PDGFRB: variants seen among roughly 807,000 people sequenced by gnomAD.
The protein encoded by PDGFRB is platelet derived growth factor receptor beta.
A neutral mutation model predicts 120.2 loss-of-function variants in PDGFRB; 42 were observed. That is an observed-to-expected ratio of 0.35 (90% confidence interval 0.27 to 0.45). The LOEUF (loss-of-function observed/expected upper bound fraction) is 0.45, where lower values mean the gene tolerates loss of function less well. PDGFRB is among the 20% of genes least tolerant of loss of function. PDGFRB has a pLI of 1.00. For synonymous variants in PDGFRB, 586 were observed against 606.8 expected, an observed-to-expected ratio of 0.97 and a Z score of 0.50; for missense variants, 1,149 against 1,476.3, an observed-to-expected ratio of 0.78 and a Z score of 3.63.
intron 8 of PDGFRB, 143 bp downstream of exon 8, chr5:150,131,836 G>T (rs907984311): frequency 7.2e-6 from 4 of 555,050 alleles, no homozygotes; most frequent in Non-Finnish European, 1.3e-5. Context: ...CACGGCAGTG[G>T]GTCAGTGGCC....
At chr5:150,126,894 G>A (rs977217231) in intron 10 of PDGFRB, among the ~76,000 whole-genome samples, 2 of 152,236 alleles carry the variant, frequency 1.3e-5, no homozygotes, top group African/African-American at 4.8e-5. Context: ...TGCTGCCAGA[G>A]CTCTGGACGG....
In PDGFRB at chr5:150,114,116, C is replaced by T. The variant is rs1759845423; in HGVS notation, c.*1647G>A. 3 of 233,452 alleles carry T rather than the reference C, an allele frequency of 1.3e-5. No individual in the cohort carries two copies. The highest frequency in any genetic ancestry group is 3.6e-4 in the South Asian group (2 of 5,536). The allele number at this position is 233,452 out of a possible 1,614,324, so 14.5% of individuals were successfully genotyped here. ...AGAGGGGTTGAGCTTCCTGCACCCC[C>T]TTCCCAACCCTCCCCGTGCGGGGGC... On this transcript the variant is annotated 3_prime_UTR_variant, in exon 23 of 23. Coordinates refer to ENST00000261799, the MANE Select transcript of PDGFRB (RefSeq NM_002609.4).
At position 150,120,481 on chromosome 5, in the gene PDGFRB, C is replaced by A. The variant is rs1456558842; in HGVS notation, c.2587-358G>T. Among the ~76,000 whole-genome samples, 1 of 152,152 alleles carries A rather than the reference C, an allele frequency of 6.6e-6. No individual in the cohort carries two copies. The highest frequency in any genetic ancestry group is 2.4e-5 in the African/African-American group (1 of 41,418). ...CTAGCGTCCCTCCATCTGGGGTTTG[C>A]GGAAAAGTGGGGAGATGAGAGACAG... On this transcript the variant is annotated intron_variant, in intron 18 of 22. Coordinates refer to ENST00000261799, the MANE Select transcript of PDGFRB (RefSeq NM_002609.4). The surrounding 1 kb of genome is among the most constrained non-coding windows in gnomAD (Gnocchi z 4.3).
Position 150,130,619 on chromosome 5 carries a change from A to C in PDGFRB, c.1287T>G (p.Ser429Arg). The change falls in exon 9 of 23, where the codon AGT becomes AGG. Residue 429 changes from serine to arginine, a missense_variant. Coordinates refer to ENST00000261799, the MANE Select transcript of PDGFRB (RefSeq NM_002609.4). ...CACGACAGCGGACTGTCTGTTCCCCACTGTCAGGGTGGCTCTCACTTAGCT... is the reference window on the plus strand; with the variant it reads ...CACGACAGCGGACTGTCTGTTCCCCCCTGTCAGGGTGGCTCTCACTTAGCT... ...VLELSESHPD[S>R]GEQTVRCRGR... 1 of 1,612,434 alleles carries C rather than the reference A, an allele frequency of 6.2e-7. No homozygotes were observed. The highest frequency in any genetic ancestry group is 8.5e-7 in the Non-Finnish European group (1 of 1,179,352).
intron 12 of PDGFRB, 119 bp downstream of exon 12, chr5:150,125,326 G>T: frequency 2.5e-6 from 2 of 798,092 alleles, no homozygotes; most frequent in Non-Finnish European, 2.0e-6. Context: ...GGCCAGAGAA[G>T]GCAAGACACC....
At chr5:150,124,094 G>A (rs1184340591) in intron 14 of PDGFRB, 156 bp downstream of exon 14, 8 of 460,418 alleles carry the variant, frequency 1.7e-5, no homozygotes, top group East Asian at 3.4e-5. Context: ...AAACCCCACC[G>A]CCCTCTGGGA....
chr5:150,150,768 G>T (rs1761055341), intron 1 of PDGFRB, among the ~76,000 whole-genome samples: 1 of 152,142 alleles, frequency 6.6e-6, no homozygotes, highest in Non-Finnish European at 1.5e-5. Flanking sequence ...CCCACCAGAG[G>T]TAGGTCCCTG....
At chr5:150,124,224 G>A (rs753711987) in intron 14 of PDGFRB, 26 bp downstream of exon 14, 1 of 1,516,562 alleles carries the variant, frequency 6.6e-7, no homozygotes, top group Admixed American at 1.7e-5. Flanking sequence ...CTTTCCCTGA[G>A]GCCTCTGGGG....
intron 10 of PDGFRB, among the ~76,000 whole-genome samples, chr5:150,127,717 C>G (rs1760333499): frequency 6.6e-6 from 1 of 151,140 alleles, no homozygotes; most frequent in South Asian, 2.1e-4. Context: ...TGCTGTCATC[C>G]CAGCTATTTG....
In PDGFRB at chr5:150,115,892, C is replaced by T; in HGVS notation, c.3192G>A (p.Leu1064=). 2 of 1,606,928 alleles carry T rather than the reference C, an allele frequency of 1.2e-6. No homozygotes were observed. The highest frequency in any genetic ancestry group is 2.2e-5 in the East Asian group (1 of 44,712). Reference sequence around the variant, plus strand: ...CTGGCTCTGGTTCGTCCTGGGGCTCCAGGGGGCTGTCACAGGAGATGGTTG... The same window carrying T: ...CTGGCTCTGGTTCGTCCTGGGGCTCTAGGGGGCTGTCACAGGAGATGGTTG... ...TSSTISCDSP[L]EPQDEPEPEP... Residue 1064 remains leucine (L), a synonymous_variant, in exon 23 of 23, where the codon CTG becomes CTA. Coordinates refer to ENST00000261799, the MANE Select transcript of PDGFRB (RefSeq NM_002609.4).
chr5:150,143,755 G>T (rs553056568), intron 1 of PDGFRB, among the ~76,000 whole-genome samples: 110 of 152,200 alleles, frequency 7.2e-4, no homozygotes, highest in Middle Eastern at 3.4e-3. Context: ...ACAGGTGGAG[G>T]GGAGAAACTG....
chr5:150,151,445 A>C (rs2113933518), intron 1 of PDGFRB, among the ~76,000 whole-genome samples: 1 of 152,316 alleles, frequency 6.6e-6, no homozygotes. Context: ...CCCAGGCCCC[A>C]TCCAGCCTCT....
In PDGFRB at chr5:150,123,219, C is replaced by T. The variant is rs1275952240; in HGVS notation, c.2024-18G>A. On this transcript the variant is annotated intron_variant, in intron 14 of 22. Transcript: ENST00000261799. The stretch of plus-strand genomic sequence containing the variant: ...GATGGGTCCTGCAGAGGGACAGGCT[C>T]AGGGACAGTCCCTATGGAGGCCTCA... 2 of 1,608,510 alleles carry T rather than the reference C, an allele frequency of 1.2e-6. No homozygotes were observed. The highest frequency in any genetic ancestry group is 2.7e-5 in the African/African-American group (2 of 75,002).
At chr5:150,118,955 T>C in intron 20 of PDGFRB, 103 bp from the exon 21 acceptor site, 1 of 707,906 alleles carries the variant, frequency 1.4e-6, no homozygotes, top group South Asian at 1.8e-5. Flanking sequence ...AGGTGAGCCA[T>C]GGAAAGGAGC....
chr5:150,138,853 G>C (rs906468733), intron 1 of PDGFRB, among the ~76,000 whole-genome samples: 3 of 152,230 alleles, frequency 2.0e-5, no homozygotes, highest in African/African-American at 7.2e-5. Flanking sequence ...CAGAGGCTGG[G>C]GGAGGGGGTC....
intron 1 of PDGFRB, among the ~76,000 whole-genome samples, chr5:150,139,089 C>A (rs1760712688): frequency 6.6e-6 from 1 of 152,194 alleles, no homozygotes; most frequent in Non-Finnish European, 1.5e-5. Context: ...AGGCTCTCTT[C>A]TGCTGGGCCT....
At position 150,114,111 on chromosome 5, in the gene PDGFRB, A is replaced by AC. The variant is rs1759845315; in HGVS notation, c.*1651dup. 3 of 233,202 alleles carry AC rather than the reference A, an allele frequency of 1.3e-5. No homozygotes were observed. The highest frequency in any genetic ancestry group is 2.5e-5 in the Non-Finnish European group (3 of 117,942). 14.4% of individuals were successfully genotyped at this position (233,202 alleles called of 1,614,324 possible). On this transcript the variant is annotated 3_prime_UTR_variant, in exon 23 of 23. Coordinates refer to ENST00000261799, the MANE Select transcript of PDGFRB (RefSeq NM_002609.4). ...TGCCCAGAGGGGTTGAGCTTCCTGC[A>AC]CCCCCTTCCCAACCCTCCCCGTGCG...
Position 150,135,600 on chromosome 5 carries a change from C to T in PDGFRB, c.319G>A (p.Gly107Arg), listed in dbSNP as rs2113912101. 1.2e-6 allele frequency: 2 copies of T among 1,613,592 alleles called. No homozygotes were observed. Among genetic ancestry groups the T allele is most frequent in the Non-Finnish European group, 1.7e-6 (2 of 1,179,664 alleles). The change falls in exon 3 of 23, where the codon GGA becomes AGA. Residue 107 changes from glycine to arginine, a missense_variant. Gly to Arg is a moderately radical substitution (Grantham distance 125). Coordinates refer to ENST00000261799, the MANE Select transcript of PDGFRB (RefSeq NM_002609.4). The part of the protein sequence containing the change: ...EYFCTHNDSR[G>R]LETDERKRLY... ...CGTTTCCGCTCATCGGTCTCCAGTCCACGGGAGTCATTGTGGGTGCAAAAG... is the reference window on the plus strand; with the variant it reads ...CGTTTCCGCTCATCGGTCTCCAGTCTACGGGAGTCATTGTGGGTGCAAAAG...
rs1760145169 is a variant in PDGFRB, at chr5:150,121,849, T to C, written c.2344+31A>G. 4 of 1,554,474 alleles carry C rather than the reference T, an allele frequency of 2.6e-6. No homozygotes were observed. The East Asian group carries it at 9.0e-5, about 35-fold the overall frequency. ...TGTGAAGAGCATCAGCCTGTTTGGA[T>C]GTGGGGTACTATGTCACTATGTCCA... On this transcript the variant is annotated intron_variant, in intron 16 of 22. Transcript: ENST00000261799. This position sits in a 1 kb window ranked among gnomAD's most constrained non-coding sequence, Gnocchi z 4.1.
Sources: allele counts gnomAD v4.1 joint callset (sites outside exome capture counted in the v4.1 genomes callset), GRCh38; gene constraint gnomAD v4.1.1; non-coding constraint Gnocchi (gnomAD v3.1); transcripts MANE v1.5; gene names NCBI Gene and HGNC (gene_info 2026-07-23, HGNC 2026-07-21).